The following WDR75 variants were observed in gnomAD, a reference collection of about 807,000 sequenced individuals.
WDR75 encodes the protein WD repeat-containing protein 75.
A neutral mutation model predicts 106.1 loss-of-function variants in WDR75; 52 were observed. That is an observed-to-expected ratio of 0.49 (90% CI 0.39 to 0.62). WDR75 has a LOEUF of 0.62. WDR75 is among the 20% of genes least tolerant of loss of function. The pLI is 0.00. For synonymous variants in WDR75, 333 were observed against 335.5 expected (o/e 0.99, Z 0.08); for missense variants, 905 against 970.3 (o/e 0.93, Z 0.89).
chr2:189,447,554 T>A (rs1178937615), intron 1 of WDR75, among the ~76,000 whole-genome samples: 1 of 152,210 alleles, frequency 6.6e-6, no homozygotes, highest in Non-Finnish European at 1.5e-5. Context: ...AGAGTAATAG[T>A]TGATAGTGAC....
intron 4 of WDR75, among the ~76,000 whole-genome samples, chr2:189,453,961 A>G (rs1359477760): frequency 6.6e-6 from 1 of 152,212 alleles, no homozygotes. Flanking sequence ...TATGTGTCAT[A>G]TAGTCATTCA....
chr2:189,441,535 A>T lies in WDR75; in HGVS notation c.43A>T (p.Ser15Cys). The T allele has an allele frequency of 6.4e-7, 1 of 1,564,910 alleles. No homozygotes were observed. The highest frequency in any genetic ancestry group is 8.7e-7 in the Non-Finnish European group (1 of 1,153,492). ...CATCCGCGTGGTTCGTTGTGGCGGC[A>T]GCGAGTTGAACTTTAGGAGAGCTGT... is the stretch of plus-strand genomic sequence containing the variant. ...ENIRVVRCGG[S>C]ELNFRRAVFS... is the part of the protein sequence containing the mutation. The change falls in exon 1 of 21, where the codon AGC becomes TGC. Residue 15 changes from serine to cysteine, a missense_variant. Ser to Cys is a moderately radical substitution (Grantham distance 112). Coordinates refer to ENST00000314761, the MANE Select transcript of WDR75 (RefSeq NM_032168.3).
At position 189,465,107 on chromosome 2, in the gene WDR75, A is replaced by C. The variant is rs1558987643; in HGVS notation, c.1142A>C (p.Asn381Thr). 1 of 1,604,550 alleles carries C rather than the reference A, an allele frequency of 6.2e-7. No homozygotes were observed. The highest frequency in any genetic ancestry group is 8.5e-7 in the Non-Finnish European group (1 of 1,175,452). Reference sequence around the variant, plus strand: ...GATATTATACAGCAAGAATATATTAATGATTATGGTCTGATCCAAATTGAA... The same window carrying C: ...GATATTATACAGCAAGAATATATTACTGATTATGGTCTGATCCAAATTGAA... Reference protein sequence around the residue: ...NLDIIQQEYINDYGLIQIELT... With the variant: ...NLDIIQQEYITDYGLIQIELT... The change falls in exon 12 of 21, where the codon AAT becomes ACT. Residue 381 changes from asparagine (N) to threonine (T), a missense_variant. Physicochemically the swap from Asn to Thr is moderately conservative, Grantham distance 65. Transcript: ENST00000314761.
intron 3 of WDR75, among the ~76,000 whole-genome samples, chr2:189,451,294 T>C (rs7586032): frequency 0.065 from 9,873 of 152,110 alleles, 499 homozygotes; most frequent in African/African-American, 0.14. Context: ...ATACAAATAG[T>C]CAATAAATAT....
Position 189,463,753 on chromosome 2 carries a change from G to A in WDR75, c.997G>A (p.Asp333Asn). ...CGCAGTAATTCAAGGCCTAGTGAAAGGTATTGCAGAACTCAGTGGATTTGG... is the reference window on the plus strand; with the variant it reads ...CGCAGTAATTCAAGGCCTAGTGAAAAGTATTGCAGAACTCAGTGGATTTGG... ...ASAVIQGLVK[D>N]RSIFTGLMID... Residue 333 changes from aspartate to asparagine, a missense_variant and splice_region_variant, in exon 10 of 21, where the codon GAT (aspartate) becomes AAT (asparagine). Asp to Asn is a conservative substitution (Grantham distance 23). Coordinates refer to ENST00000314761, the MANE Select transcript of WDR75 (RefSeq NM_032168.3). 6.2e-7 allele frequency: 1 copy of A among 1,613,676 alleles called. No homozygotes were observed. Among genetic ancestry groups the A allele is most frequent in the Non-Finnish European group, 8.5e-7 (1 of 1,179,742 alleles).
chr2:189,470,030 AC>A, intron 16 of WDR75, 45 bp from the exon 17 acceptor site: 1 of 1,572,786 alleles, frequency 6.4e-7, no homozygotes, highest in Non-Finnish European at 8.7e-7. Flanking sequence ...GCTAGAACTA[AC>A]CTTTTCAGGC....
At chr2:189,459,220 C>G in intron 7 of WDR75, 116 bp from the exon 8 acceptor site, 1 of 749,542 alleles carries the variant, frequency 1.3e-6, no homozygotes, top group Non-Finnish European at 2.1e-6. Flanking sequence ...AGACCAGAAG[C>G]CTTTATATTA....
At chr2:189,449,792 T>G (rs1187374897) in intron 2 of WDR75, 2 of 984,192 alleles carry the variant, frequency 2.0e-6, no homozygotes, top group East Asian at 2.3e-4. Context: ...GTATAATTTT[T>G]TGACTTGGAT....
intron 8 of WDR75, among the ~76,000 whole-genome samples, chr2:189,460,305 G>A (rs966736979): frequency 6.6e-6 from 1 of 152,166 alleles, no homozygotes; most frequent in Non-Finnish European, 1.5e-5. Flanking sequence ...TATCCTTAGA[G>A]TCTTACTTGG....
rs79065857 is a variant in WDR75 at position 189,472,318 on chromosome 2, T to C, written c.2049+1440T>C. On this transcript the variant is annotated intron_variant, in intron 18 of 20. Transcript: ENST00000314761. ...AACAGGGAAGTCTACGTAGGCCTTATTGAAAAGATTCTGACTTTTTCTCTG... is the reference window on the plus strand; with the variant it reads ...AACAGGGAAGTCTACGTAGGCCTTACTGAAAAGATTCTGACTTTTTCTCTG... Among the ~76,000 whole-genome samples, 682 of 152,296 alleles carry C rather than the reference T, an allele frequency of 4.5e-3. 5 individuals carry two copies. Among genetic ancestry groups the C allele is most frequent in the African/African-American group, 0.015 (641 of 41,568 alleles).
At chr2:189,449,782 G>A (rs2106113241) in intron 2 of WDR75, 2 of 984,190 alleles carry the variant, frequency 2.0e-6, no homozygotes, top group Middle Eastern at 5.2e-4. Context: ...TTCCTAGTTT[G>A]TATAATTTTT....
At chr2:189,448,353 CT>C (rs758451684) in intron 1 of WDR75, 25 bp from the exon 2 acceptor site, 232 of 1,605,354 alleles carry the variant, frequency 1.4e-4, no homozygotes, top group Non-Finnish European at 1.9e-4. Flanking sequence ...GTATGTAAAA[CT>C]TACTTTTCTT....
chr2:189,462,336 T>C (rs1686906947), intron 8 of WDR75, 148 bp from the exon 9 acceptor site: 1 of 845,596 alleles, frequency 1.2e-6, no homozygotes. Context: ...GTCTTCAGAG[T>C]ATATTAAAAG....
At chr2:189,463,814 A>T (rs747084954) in intron 10 of WDR75, 32 bp from the exon 11 acceptor site, 8 of 1,613,390 alleles carry the variant, frequency 5.0e-6, no homozygotes, top group Non-Finnish European at 5.9e-6. Flanking sequence ...TATTTCTCTT[A>T]TTTCACCTGT....
At chr2:189,464,968 A>C (rs866565814) in intron 11 of WDR75, 111 bp from the exon 12 acceptor site, 1 of 760,068 alleles carries the variant, frequency 1.3e-6, no homozygotes, top group African/African-American at 1.8e-5. Context: ...CTATTACTAT[A>C]CAGTACAGAA....
At position 189,462,956 on chromosome 2, in the gene WDR75, A is replaced by G. The variant is rs16831446; in HGVS notation, c.937+314A>G. Among the ~76,000 whole-genome samples, 520 of 152,300 alleles carry G rather than the reference A, an allele frequency of 3.4e-3. 3 individuals are homozygous for G. The highest frequency in any genetic ancestry group is 0.012 in the African/African-American group (484 of 41,566). The stretch of plus-strand genomic sequence containing the variant: ...ATAAAGGGAAGGTTTGGAAGTGGAC[A>G]TTGGTGCTTTCATAAACCTTCCGTT... On this transcript the variant is annotated intron_variant, in intron 9 of 20. Coordinates refer to ENST00000314761, the MANE Select transcript of WDR75 (RefSeq NM_032168.3).
chr2:189,449,174 A>C, intron 2 of WDR75: 2 of 1,132,890 alleles, frequency 1.8e-6, no homozygotes, highest in Non-Finnish European at 2.4e-6. Flanking sequence ...CGGCAAATCT[A>C]CTAAAATTTT....
chr2:189,445,469 C>T (rs772435005), intron 1 of WDR75, among the ~76,000 whole-genome samples: 1 of 151,740 alleles, frequency 6.6e-6, no homozygotes, highest in Non-Finnish European at 1.5e-5. Flanking sequence ...GAAGGGCTTC[C>T]GGGAGAAAAT....
chr2:189,474,231 T>C lies in WDR75; in HGVS notation c.2095T>C (p.Leu699=), dbSNP rs2105576862. 2 of 1,613,794 alleles carry C rather than the reference T, an allele frequency of 1.2e-6. No homozygotes were observed. The highest frequency in any genetic ancestry group is 3.3e-4 in the Middle Eastern group (2 of 6,060). ...SLPTTPFYFI[L]GKHRQQQDEK... ...TCCCACAACCCCATTTTATTTCATATTGGGAAAACACAGGCAACAGCAGGA... is the reference window on the plus strand; with the variant it reads ...TCCCACAACCCCATTTTATTTCATACTGGGAAAACACAGGCAACAGCAGGA... The change falls in exon 19 of 21, where the codon TTG becomes CTG. Residue 699 remains leucine (L), a synonymous_variant. Coordinates refer to ENST00000314761, the MANE Select transcript of WDR75 (RefSeq NM_032168.3).
Sources: allele counts gnomAD v4.1 joint callset (sites outside exome capture counted in the v4.1 genomes callset), GRCh38; gene constraint gnomAD v4.1.1; transcripts MANE v1.5; gene names NCBI Gene and HGNC (gene_info 2026-07-23, HGNC 2026-07-21).